PPFIBP1: variants seen among roughly 807,000 people sequenced by gnomAD.
The protein encoded by PPFIBP1 is liprin-beta-1.
Under a neutral mutation model 137.8 loss-of-function variants are expected in PPFIBP1, and 112 were observed. The observed-to-expected ratio is 0.81, with a 90% CI of 0.70 to 0.95. PPFIBP1 has a LOEUF of 0.95. Among genes scored for constraint, PPFIBP1 ranks in the 40% least tolerant of loss-of-function variants. The pLI is 0.00. For missense variants in PPFIBP1, 1,083 were observed against 1,196.6 expected (o/e 0.91, Z 1.40); for synonymous variants, 378 against 417.3 (o/e 0.91, Z 1.15).
At position 27,667,250 on chromosome 12, in the gene PPFIBP1, A is replaced by G; in HGVS notation, c.1076A>G (p.Lys359Arg). ...GCACAGGGTTTCAGTGATCTGGAGA[A>G]AAGTCCATCACCCACTCCAGTAATG... ...LDAQGFSDLEKSPSPTPVMGS... is the reference protein window; with the variant it reads ...LDAQGFSDLERSPSPTPVMGS... The change falls in exon 13 of 30, where the codon AAA (lysine) becomes AGA (arginine). Residue 359 changes from lysine to arginine, a missense_variant. Physicochemically the swap from Lys to Arg is conservative, Grantham distance 26. Coordinates refer to ENST00000228425, the MANE Select transcript of PPFIBP1 (RefSeq NM_003622.4). 6.2e-7 allele frequency: 1 copy of G among 1,613,896 alleles called. No individual in the cohort carries two copies. The highest frequency in any genetic ancestry group is 8.5e-7 in the Non-Finnish European group (1 of 1,179,854).
intron 1 of PPFIBP1, among the ~76,000 whole-genome samples, chr12:27,533,565 T>G (rs182910635): frequency 2.4e-4 from 37 of 152,306 alleles, no homozygotes; most frequent in African/African-American, 7.5e-4. Context: ...CTGGCATGGT[T>G]CTGTACTTGG....
At chr12:27,547,720 C>T (rs1946366687) in intron 1 of PPFIBP1, 1 of 152,188 alleles carries the variant, frequency 6.6e-6, no homozygotes, top group Admixed American at 6.5e-5. Context: ...AGAGCTGTCC[C>T]CATTTGAGCA....
At chr12:27,585,323 A>G (rs553091726) in intron 2 of PPFIBP1, among the ~76,000 whole-genome samples, 1 of 152,326 alleles carries the variant, frequency 6.6e-6, no homozygotes, top group African/African-American at 2.4e-5. Flanking sequence ...AGCTTTGTCT[A>G]TTGTATAAAA....
intron 2 of PPFIBP1, among the ~76,000 whole-genome samples, chr12:27,595,003 A>G (rs1408200085): frequency 6.6e-6 from 1 of 152,258 alleles, no homozygotes; most frequent in Non-Finnish European, 1.5e-5. Flanking sequence ...ATAAATCTGT[A>G]GTAAACCTGC....
At chr12:27,570,268 C>T (rs1269306175) in intron 1 of PPFIBP1, among the ~76,000 whole-genome samples, 6 of 152,136 alleles carry the variant, frequency 3.9e-5, no homozygotes, top group East Asian at 1.9e-4. Flanking sequence ...ATTCCTTTAT[C>T]GAATATGCAG....
intron 2 of PPFIBP1, among the ~76,000 whole-genome samples, chr12:27,582,154 T>C (rs2051196379): frequency 6.6e-6 from 1 of 152,130 alleles, no homozygotes; most frequent in African/African-American, 2.4e-5. Flanking sequence ...GATATGCTAG[T>C]GTGTAACTGT....
At chr12:27,555,183 C>T (rs892634246) in intron 1 of PPFIBP1, among the ~76,000 whole-genome samples, 10 of 152,118 alleles carry the variant, frequency 6.6e-5, no homozygotes, top group African/African-American at 2.2e-4. Flanking sequence ...GCTCAGGTCC[C>T]CTTCGACAAT....
In PPFIBP1 at chr12:27,556,337, G is replaced by A. The variant is rs866196863; in HGVS notation, c.-123-21815G>A. On this transcript the variant is annotated intron_variant, in intron 1 of 29. Coordinates refer to ENST00000228425, the MANE Select transcript of PPFIBP1 (RefSeq NM_003622.4). ...ATTGTATGACTTGAATCTTTAGCAA[G>A]GTTTCTATTCTTTGCCAGTGATAAC... Among the ~76,000 whole-genome samples, 63 of 152,140 alleles carry A rather than the reference G, an allele frequency of 4.1e-4. 1 individual carries two copies. The highest frequency in any genetic ancestry group is 1.8e-4 in the Non-Finnish European group (12 of 68,028).
intron 1 of PPFIBP1, among the ~76,000 whole-genome samples, chr12:27,546,383 TA>T (rs1946245841): frequency 1.3e-5 from 2 of 152,156 alleles, no homozygotes; most frequent in African/African-American, 2.4e-5. Flanking sequence ...AATTAAATAA[TA>T]GTGTGATTTT....
At chr12:27,563,547 T>C (rs898468439) in intron 1 of PPFIBP1, among the ~76,000 whole-genome samples, 7 of 151,160 alleles carry the variant, frequency 4.6e-5, no homozygotes, top group African/African-American at 1.5e-4. Context: ...AAAAGACTTG[T>C]AGGGTAAGAG....
intron 1 of PPFIBP1, among the ~76,000 whole-genome samples, chr12:27,529,122 G>C (rs928737754): frequency 1.3e-5 from 2 of 152,312 alleles, no homozygotes; most frequent in South Asian, 2.1e-4. Context: ...TTCTGGCCAA[G>C]GGTCATGTCT....
chr12:27,558,257 T>TG (rs948557344), intron 1 of PPFIBP1, among the ~76,000 whole-genome samples: 2 of 60,776 alleles, frequency 3.3e-5, no homozygotes, highest in African/African-American at 1.1e-4. Flanking sequence ...ACCTTCTGGG[T>TG]TTTTTTTTTG....
At chr12:27,685,286 C>T (rs74077240) in intron 24 of PPFIBP1, among the ~76,000 whole-genome samples, 6,840 of 110,106 alleles carry the variant, frequency 0.062, 514 homozygotes, top group African/African-American at 0.17. Context: ...TATCCATATA[C>T]ACACACACAC....
intron 1 of PPFIBP1, among the ~76,000 whole-genome samples, chr12:27,533,090 T>C (rs1165879293): frequency 6.6e-6 from 1 of 152,120 alleles, no homozygotes; most frequent in Non-Finnish European, 1.5e-5. Flanking sequence ...CATTGTGCAC[T>C]CATGGGCTCA....
intron 10 of PPFIBP1, among the ~76,000 whole-genome samples, chr12:27,660,216 A>G (rs887520942): frequency 1.3e-5 from 2 of 152,122 alleles, no homozygotes; most frequent in Non-Finnish European, 2.9e-5. Context: ...CATCTTTAAA[A>G]TATATAAGTT....
intron 1 of PPFIBP1, among the ~76,000 whole-genome samples, chr12:27,526,456 T>C (rs1943760800): frequency 6.6e-6 from 1 of 150,728 alleles, no homozygotes; most frequent in Non-Finnish European, 1.5e-5. Flanking sequence ...ACTTAAAAGA[T>C]GTTTGAGTTA....
intron 1 of PPFIBP1, among the ~76,000 whole-genome samples, chr12:27,575,425 A>G (rs1396674291): frequency 6.6e-6 from 1 of 152,228 alleles, no homozygotes; most frequent in Non-Finnish European, 1.5e-5. Context: ...ATTGTTTAAC[A>G]TGTTAGTCTC....
intron 2 of PPFIBP1, among the ~76,000 whole-genome samples, chr12:27,625,349 T>C (rs181856802): frequency 1.4e-4 from 21 of 152,356 alleles, no homozygotes; most frequent in Admixed American, 1.2e-3. Context: ...GTTTTATTAA[T>C]ATCTTTACCC....
intron 12 of PPFIBP1, among the ~76,000 whole-genome samples, chr12:27,665,317 T>C (rs1218514206): frequency 6.6e-6 from 1 of 152,068 alleles, no homozygotes; most frequent in Non-Finnish European, 1.5e-5. Context: ...AGTTGCTGAT[T>C]GGGAATATGT....
Sources: allele counts gnomAD v4.1 joint callset (sites outside exome capture counted in the v4.1 genomes callset), GRCh38; gene constraint gnomAD v4.1.1; transcripts MANE v1.5; gene names NCBI Gene and HGNC (gene_info 2026-07-23, HGNC 2026-07-21).